XKR6: variants seen among roughly 807,000 people sequenced by gnomAD.
The protein encoded by XKR6 is XK related 6, also known as XK-related protein 6.
Under a neutral mutation model 56.7 loss-of-function variants are expected in XKR6, and 22 were observed. The ratio of observed to expected loss-of-function variants is 0.39; its 90% confidence interval spans 0.28 to 0.55. The LOEUF (loss-of-function observed/expected upper bound fraction) is 0.55. Among genes scored for constraint, XKR6 ranks in the 20% least tolerant of loss-of-function variants. The pLI is 0.66. For synonymous variants in XKR6, 524 were observed against 387.8 expected (o/e 1.35, Z -4.13); for missense variants, 852 against 889.0 (o/e 0.96, Z 0.53).
intron 1 of XKR6, among the ~76,000 whole-genome samples, chr8:11,087,518 C>T (rs1307158048): frequency 1.3e-5 from 2 of 152,116 alleles, no homozygotes; most frequent in African/African-American, 4.8e-5. Context: ...AAGGTTTCTT[C>T]TTTCTTAAAG....
chr8:11,033,019 A>G (rs1201273292), intron 1 of XKR6, among the ~76,000 whole-genome samples: 2 of 152,140 alleles, frequency 1.3e-5, no homozygotes, highest in Admixed American at 6.6e-5. Context: ...TCAGGATGGT[A>G]AGGATGATGA....
In XKR6 at chr8:11,067,617, G is replaced by T. The variant is rs140974059; in HGVS notation, c.764+132959C>A. On this transcript the variant is annotated intron_variant, in intron 1 of 2. Coordinates refer to ENST00000416569, the MANE Select transcript of XKR6 (RefSeq NM_173683.4). ...TCTCCAGGAGAAAAATCCACCCACA[G>T]TGCTGATTCTCTTCCTGTTACCAGC... 3.1e-3 allele frequency among the ~76,000 whole-genome samples: 480 copies of T among 152,384 alleles called. 1 individual carries two copies. Among genetic ancestry groups the T allele is most frequent in the African/African-American group, 0.01 (421 of 41,598 alleles).
intron 1 of XKR6, among the ~76,000 whole-genome samples, chr8:10,958,347 C>A (rs1202241855): frequency 6.6e-6 from 1 of 152,154 alleles, no homozygotes; most frequent in Non-Finnish European, 1.5e-5. Flanking sequence ...GGCACTAATG[C>A]GATTATGGGA....
intron 2 of XKR6, among the ~76,000 whole-genome samples, chr8:10,905,194 C>T (rs985328049): frequency 2.0e-5 from 3 of 152,156 alleles, no homozygotes; most frequent in African/African-American, 4.8e-5. Context: ...CCAAGCTTCC[C>T]GAAGGCAGGC....
At chr8:10,992,450 T>G (rs1030460256) in intron 1 of XKR6, among the ~76,000 whole-genome samples, 1 of 152,214 alleles carries the variant, frequency 6.6e-6, no homozygotes, top group African/African-American at 2.4e-5. Context: ...GGGGCAGATG[T>G]GCTTCTTTCA....
intron 2 of XKR6, among the ~76,000 whole-genome samples, chr8:10,912,277 G>C (rs1800407018): frequency 8.8e-6 from 1 of 113,350 alleles, no homozygotes; most frequent in Non-Finnish European, 1.8e-5. Context: ...GAGAGAAATG[G>C]TGTGTATATA....
At chr8:11,113,097 T>A (rs1480397898) in intron 1 of XKR6, among the ~76,000 whole-genome samples, 4 of 152,212 alleles carry the variant, frequency 2.6e-5, no homozygotes, top group Admixed American at 6.5e-5. Context: ...TTTCTCACCA[T>A]CTCATCAATT....
chr8:11,114,880 C>G (rs867029418), intron 1 of XKR6, among the ~76,000 whole-genome samples: 11 of 152,184 alleles, frequency 7.2e-5, no homozygotes, highest in Middle Eastern at 3.4e-3. Flanking sequence ...AATAGCAGTA[C>G]TCGTACAACA....
chr8:11,009,228 TG>T (rs1180457189), intron 1 of XKR6, among the ~76,000 whole-genome samples: 6 of 152,106 alleles, frequency 3.9e-5, no homozygotes, highest in Admixed American at 3.3e-4. Context: ...GTATAGGGTT[TG>T]GCCGGGCATG....
At chr8:11,057,151 C>T (rs189935162) in intron 1 of XKR6, among the ~76,000 whole-genome samples, 4 of 152,190 alleles carry the variant, frequency 2.6e-5, no homozygotes, top group Non-Finnish European at 5.9e-5. Flanking sequence ...TCCCTCTCTT[C>T]ATGGATCCTA....
intron 1 of XKR6, among the ~76,000 whole-genome samples, chr8:11,147,837 A>C (rs1801068707): frequency 6.6e-6 from 1 of 152,168 alleles, no homozygotes; most frequent in African/African-American, 2.4e-5. Flanking sequence ...GACCCCTCCT[A>C]AAATTCATAG....
chr8:11,030,488 T>C (rs2129151749), intron 1 of XKR6, among the ~76,000 whole-genome samples: 1 of 152,268 alleles, frequency 6.6e-6, no homozygotes, highest in South Asian at 2.1e-4. Context: ...TTGATCAATG[T>C]CGAAGTAAAA....
At chr8:10,914,556 G>T (rs1800500729) in intron 2 of XKR6, among the ~76,000 whole-genome samples, 1 of 152,160 alleles carries the variant, frequency 6.6e-6, no homozygotes, top group African/African-American at 2.4e-5. Context: ...CTCCCCCAAT[G>T]CTCCTCCTCC....
intron 1 of XKR6, among the ~76,000 whole-genome samples, chr8:10,959,237 G>C (rs903393972): frequency 1.3e-5 from 2 of 152,160 alleles, no homozygotes; most frequent in Non-Finnish European, 2.9e-5. Context: ...CTGGCCTGGA[G>C]ACCACAGGAG....
Position 11,046,592 on chromosome 8 carries a change from G to A in XKR6, c.765-121762C>T, listed in dbSNP as rs146179930. Among the ~76,000 whole-genome samples, 392 of 152,232 alleles carry A rather than the reference G, an allele frequency of 2.6e-3. 4 individuals carry two copies. Among genetic ancestry groups the A allele is most frequent in the African/African-American group, 9.1e-3 (377 of 41,548 alleles). On this transcript the variant is annotated intron_variant, in intron 1 of 2. Coordinates refer to ENST00000416569, the MANE Select transcript of XKR6 (RefSeq NM_173683.4). ...GAAAATGTGGTTATTACATACAGCA[G>A]AATATTTTTCAGTTATAAAAAATAA...
In XKR6 at chr8:11,123,693, C is replaced by T. The variant is rs1204876082; in HGVS notation, c.764+76883G>A. ...TATGTATATATACTTGTCTATATTTCATATTTTTCAAGAGGCTGAATCTCC... is the reference window on the plus strand; with the variant it reads ...TATGTATATATACTTGTCTATATTTTATATTTTTCAAGAGGCTGAATCTCC... On this transcript the variant is annotated intron_variant, in intron 1 of 2. Coordinates refer to ENST00000416569, the MANE Select transcript of XKR6 (RefSeq NM_173683.4). 1.1e-5 allele frequency: 4 copies of T among 362,074 alleles called. No individual in the cohort carries two copies. In the East Asian group the frequency reaches 2.9e-4, roughly 27 times the overall value. 22.4% of individuals were successfully genotyped at this position (362,074 alleles called of 1,614,324 possible).
intron 1 of XKR6, among the ~76,000 whole-genome samples, chr8:11,183,842 A>G (rs889673705): frequency 6.6e-6 from 1 of 152,204 alleles, no homozygotes; most frequent in Non-Finnish European, 1.5e-5. Flanking sequence ...GTTTAAACAC[A>G]GCATAAGGGT....
At chr8:11,183,872 T>G (rs1803125594) in intron 1 of XKR6, among the ~76,000 whole-genome samples, 1 of 152,158 alleles carries the variant, frequency 6.6e-6, no homozygotes, top group Non-Finnish European at 1.5e-5. Context: ...TGCAGTACTA[T>G]GAACTTTTGG....
In XKR6 at chr8:11,118,112, C is replaced by T. The variant is rs139813664; in HGVS notation, c.764+82464G>A. Among the ~76,000 whole-genome samples, 11 of 152,228 alleles carry T rather than the reference C, an allele frequency of 7.2e-5. No homozygotes were observed. The South Asian group carries it at 2.3e-3, about 32-fold the overall frequency. ...AACTTCTGGGACCAGATTCTTATTT[C>T]TTCTCACACGTAAGCAAAAATATTT... On this transcript the variant is annotated intron_variant, in intron 1 of 2. Transcript: ENST00000416569.
Sources: gnomAD v4.1 joint callset for allele counts (sites outside exome capture counted in the v4.1 genomes callset) on GRCh38, gnomAD v4.1.1 for gene constraint, MANE v1.5 for transcripts, NCBI Gene and HGNC (gene_info 2026-07-23, HGNC 2026-07-21) for gene names.